Variants in PROX2 observed in about 807,000 individuals in gnomAD.
PROX2 encodes the protein prospero homeobox protein 2.
Under a neutral mutation model 48.9 loss-of-function variants are expected in PROX2, and 46 were observed. The observed-to-expected ratio is 0.94, with a 90% CI of 0.74 to 1.20. The LOEUF (loss-of-function observed/expected upper bound fraction) is 1.20, where lower values mean the gene tolerates loss of function less well. Among genes scored for constraint, PROX2 ranks in the 50% most tolerant of loss-of-function variants. PROX2 has a pLI of 0.00. For missense variants in PROX2, 663 were observed against 719.4 expected, an observed-to-expected ratio of 0.92 and a Z score of 0.90; for synonymous variants, 260 against 276.6, an observed-to-expected ratio of 0.94 and a Z score of 0.60.
intron 2 of PROX2, among the ~76,000 whole-genome samples, chr14:74,869,679 CTACCAATGTATCTATAAAAGAACA>C (rs1252043506): frequency 6.6e-6 from 1 of 152,162 alleles, no homozygotes; most frequent in African/African-American, 2.4e-5. Context: ...ATTTATGCTC[CTACCAATGTATCTATAAAAGAACA>C]TACATCTCCT....
In PROX2 at chr14:74,867,894, A is replaced by G. The variant is rs569267678; in HGVS notation, c.-175+3209T>C. Among the ~76,000 whole-genome samples, 5 of 152,194 alleles carry G rather than the reference A, an allele frequency of 3.3e-5. No individual in the cohort carries two copies. The South Asian group carries it at 8.3e-4, about 25-fold the overall frequency. On this transcript the variant is annotated intron_variant, in intron 2 of 5. Coordinates refer to ENST00000556489, the MANE Select transcript of PROX2 (RefSeq NM_001243007.2). ...GGCCAGAAACTGGAAATCCAGCCAGACTCCACTGTGGCTGGGTACCCAGAG... is the reference window on the plus strand; with the variant it reads ...GGCCAGAAACTGGAAATCCAGCCAGGCTCCACTGTGGCTGGGTACCCAGAG...
chr14:74,857,083 T>TGAACC, intron 4 of PROX2, 88 bp from the exon 5 acceptor site: 2 of 1,083,210 alleles, frequency 1.8e-6, no homozygotes, highest in Non-Finnish European at 2.8e-6. Context: ...GTATAGGGGT[T>TGAACC]CATATACGGC....
Position 74,858,463 on chromosome 14 carries a change from A to G in PROX2, c.1357T>C (p.Phe453Leu), listed in dbSNP as rs2091764668. The change falls in exon 4 of 6, where the codon TTC (phenylalanine) becomes CTC (leucine). Residue 453 changes from phenylalanine to leucine, a missense_variant. By Grantham distance (22) the Phe-to-Leu change is conservative. Transcript: ENST00000556489. ...GHLKKAKLMF[F>L]FTRYPSSNLL... ...TTGGAGCTGGGATATCGTGTGAAGA[A>G]AAACATTAGTTTGGCCTTCTTCAAG... 1 of 1,587,552 alleles carries G rather than the reference A, an allele frequency of 6.3e-7. No individual in the cohort carries two copies. Among genetic ancestry groups the G allele is most frequent in the East Asian group, 2.3e-5 (1 of 44,078 alleles).
At chr14:74,862,364 A>C (rs991181397) in intron 3 of PROX2, among the ~76,000 whole-genome samples, 166 bp downstream of exon 3, 2 of 152,064 alleles carry the variant, frequency 1.3e-5, no homozygotes, top group Admixed American at 1.3e-4. Flanking sequence ...TGTGCAGATA[A>C]TTTTTTATTT....
chr14:74,865,568 C>T (rs1883036482), intron 2 of PROX2, among the ~76,000 whole-genome samples: 2 of 152,050 alleles, frequency 1.3e-5, no homozygotes, highest in African/African-American at 4.8e-5. Context: ...CTGGGCCGGG[C>T]GCGGTGGCTC....
chr14:74,875,041 A>G (rs1315060623), intron 1 of PROX2, among the ~76,000 whole-genome samples: 1 of 152,112 alleles, frequency 6.6e-6, no homozygotes, highest in Non-Finnish European at 1.5e-5. Flanking sequence ...GCTACTCAGG[A>G]GGCTGAGGCA....
intron 1 of PROX2, chr14:74,874,404 C>G (rs1282188624): frequency 4.5e-6 from 1 of 223,828 alleles, no homozygotes; most frequent in African/African-American, 2.4e-5. Context: ...AGGCGCCCAC[C>G]ACCGAGTCCA....
rs112246916 is a variant in PROX2, at chr14:74,860,734, A to T, written c.1305+1796T>A. On this transcript the variant is annotated intron_variant, in intron 3 of 5. Transcript: ENST00000556489. ...TCCCAAGTCATTCCAAAGATAGTCAAGTACTTCACCCATGCAGCCAGTCCT... is the reference window on the plus strand; with the variant it reads ...TCCCAAGTCATTCCAAAGATAGTCATGTACTTCACCCATGCAGCCAGTCCT... 4.3e-3 allele frequency among the ~76,000 whole-genome samples: 659 copies of T among 152,308 alleles called. 10 individuals are homozygous for T. The highest frequency in any genetic ancestry group is 0.015 in the African/African-American group (634 of 41,568).
chr14:74,873,916 T>C (rs901142187), intron 1 of PROX2: 1 of 468,328 alleles, frequency 2.1e-6, no homozygotes, highest in African/African-American at 2.0e-5. Flanking sequence ...GGGTTCTGTG[T>C]TGGATTTGAC....
At position 74,854,097 on chromosome 14, in the gene PROX2, C is replaced by T. The variant is rs2091724350; in HGVS notation, c.*1035G>A. The T allele has an allele frequency of 4.0e-6, 1 of 248,636 alleles. No individual in the cohort carries two copies. Among genetic ancestry groups the T allele is most frequent in the East Asian group, 1.4e-4 (1 of 7,208 alleles). 15.4% of individuals were successfully genotyped at this position (248,636 alleles called of 1,614,324 possible). On this transcript the variant is annotated 3_prime_UTR_variant, in exon 6 of 6. Transcript: ENST00000556489. ...CCTGTCTGGACTGCGGTTCTTCCTT[C>T]CCAATTTAAGCAGCATGGGCCAGAT...
chr14:74,858,388 T>G lies in PROX2; in HGVS notation c.1413+19A>C. ...CTTGGGAGTTCTGCAGAAGCTGCCA[T>G]TTAGTTGAGTGACTTTACCTGAACA... On this transcript the variant is annotated intron_variant, in intron 4 of 5. Transcript: ENST00000556489. 2 of 1,464,544 alleles carry G rather than the reference T, an allele frequency of 1.4e-6. No individual in the cohort carries two copies. Among genetic ancestry groups the G allele is most frequent in the Non-Finnish European group, 1.9e-6 (2 of 1,065,072 alleles). 90.7% of individuals were successfully genotyped at this position (1,464,544 alleles called of 1,614,324 possible).
intron 3 of PROX2, among the ~76,000 whole-genome samples, chr14:74,861,685 G>A (rs1221248522): frequency 6.6e-6 from 1 of 152,148 alleles, no homozygotes; most frequent in Non-Finnish European, 1.5e-5. Flanking sequence ...ATTGCACCTT[G>A]GAAGTTGTTC....
chr14:74,876,107 C>T lies in PROX2; in HGVS notation c.-522G>A, dbSNP rs979629911. On this transcript the variant is annotated 5_prime_UTR_variant, in exon 1 of 6. It adds an upstream start codon to the 5' untranslated region. Transcript: ENST00000556489. ...TCTGGCCCCTTCTTAGCACAAGGCACTGTCTGACAGACCCAGTCTTGCTGC... is the reference window on the plus strand; with the variant it reads ...TCTGGCCCCTTCTTAGCACAAGGCATTGTCTGACAGACCCAGTCTTGCTGC... Among the ~76,000 whole-genome samples, 2 of 152,262 alleles carry T rather than the reference C, an allele frequency of 1.3e-5. No homozygotes were observed. The highest frequency in any genetic ancestry group is 2.9e-5 in the Non-Finnish European group (2 of 68,046).
intron 3 of PROX2, chr14:74,861,349 G>T: frequency 1.6e-6 from 1 of 640,034 alleles, no homozygotes; most frequent in Non-Finnish European, 2.6e-6. Context: ...TCTGCAAGAT[G>T]CTTGTTAGAA....
At chr14:74,873,748 C>T (rs1252113422) in intron 1 of PROX2, 8 of 470,950 alleles carry the variant, frequency 1.7e-5, no homozygotes, top group Non-Finnish European at 2.5e-5. Context: ...TTCGAAAAGG[C>T]CAAGCTACTT....
At chr14:74,855,407 T>A (rs2091735808) in intron 5 of PROX2, 105 bp from the exon 6 acceptor site, 3 of 878,064 alleles carry the variant, frequency 3.4e-6, no homozygotes, top group Non-Finnish European at 4.9e-6. Flanking sequence ...GGTAGTGGGC[T>A]AGGAGCATCC....
chr14:74,865,604 A>G (rs544127551), intron 2 of PROX2, among the ~76,000 whole-genome samples: 1 of 152,174 alleles, frequency 6.6e-6, no homozygotes, highest in Non-Finnish European at 1.5e-5. Flanking sequence ...GCACTTTGGG[A>G]GGCTGAGGCG....
chr14:74,855,733 T>A, intron 5 of PROX2: 1 of 153,260 alleles, frequency 6.5e-6, no homozygotes, highest in Non-Finnish European at 1.5e-5. Flanking sequence ...TCTGAAGAGC[T>A]TACACTCCTG....
intron 3 of PROX2, 85 bp from the exon 4 acceptor site, chr14:74,858,599 T>G: frequency 1.3e-6 from 1 of 745,646 alleles, no homozygotes; most frequent in South Asian, 1.8e-5. Flanking sequence ...TGGTTTCTAT[T>G]TGATTTCATT....
Sources: gnomAD v4.1 joint callset for allele counts (sites outside exome capture counted in the v4.1 genomes callset) on GRCh38, gnomAD v4.1.1 for gene constraint, MANE v1.5 for transcripts, NCBI Gene and HGNC (gene_info 2026-07-23, HGNC 2026-07-21) for gene names.